Variants in TNR observed in about 807,000 individuals in gnomAD.
The protein encoded by TNR is tenascin-R.
A neutral mutation model predicts 150.4 loss-of-function variants in TNR; 45 were observed. The observed-to-expected ratio is 0.30, with a 90% CI of 0.24 to 0.38. The LOEUF is 0.38. TNR is among the 10% of genes least tolerant of loss of function. TNR has a pLI of 1.00. For missense variants in TNR, 1,544 were observed against 1,759.1 expected (o/e 0.88, Z 2.19); for synonymous variants, 687 against 678.4 (o/e 1.01, Z -0.20).
intron 6 of TNR, among the ~76,000 whole-genome samples, chr1:175,392,516 A>T (rs1653224383): frequency 6.6e-6 from 1 of 152,150 alleles, no homozygotes; most frequent in Non-Finnish European, 1.5e-5. Context: ...ACCTGGCGTA[A>T]TTTTTCTTCC....
intron 18 of TNR, 111 bp downstream of exon 18, chr1:175,354,280 A>C (rs1341889505): frequency 7.1e-7 from 1 of 1,407,194 alleles, no homozygotes; most frequent in Non-Finnish European, 9.5e-7. Flanking sequence ...AGGAGGAGGC[A>C]ACTGAGCTTT....
Position 175,352,891 on chromosome 1 carries a change from T to C in TNR, c.3382+1500A>G, listed in dbSNP as rs555836445. Among the ~76,000 whole-genome samples the C allele has an allele frequency of 3.0e-4, 45 of 152,166 alleles. No homozygotes were observed. In the South Asian group the frequency reaches 3.3e-3, roughly 11 times the overall value. On this transcript the variant is annotated intron_variant, in intron 18 of 22. Coordinates refer to ENST00000367674, the MANE Select transcript of TNR (RefSeq NM_003285.3). ...GTCTTGCTTTGTCATTTAGAACGAG[T>C]GCAGTGGGGGAGACACCTGGTGGGG...
At chr1:175,462,258 A>G (rs1220576960) in intron 2 of TNR, among the ~76,000 whole-genome samples, 1 of 152,222 alleles carries the variant, frequency 6.6e-6, no homozygotes, top group African/African-American at 2.4e-5. Flanking sequence ...GTGGAAGATG[A>G]CAAACAAGGA....
chr1:175,456,426 G>A (rs1318629124), intron 2 of TNR, among the ~76,000 whole-genome samples: 1 of 152,140 alleles, frequency 6.6e-6, no homozygotes, highest in African/African-American at 2.4e-5. Flanking sequence ...TCACTACAAT[G>A]CAAGTTCCAC....
intron 1 of TNR, among the ~76,000 whole-genome samples, chr1:175,686,281 C>T (rs971744513): frequency 3.9e-5 from 6 of 152,140 alleles, no homozygotes; most frequent in African/African-American, 1.4e-4. Flanking sequence ...CATGGTGTAC[C>T]ACCTATCACT....
chr1:175,369,670 C>A (rs1374453262), intron 9 of TNR, among the ~76,000 whole-genome samples: 1 of 152,124 alleles, frequency 6.6e-6, no homozygotes, highest in East Asian at 1.9e-4. Flanking sequence ...AGAGATGCCC[C>A]CCCGGATTCT....
intron 19 of TNR, 41 bp downstream of exon 19, chr1:175,337,487 T>G (rs1375429289): frequency 6.2e-7 from 1 of 1,611,018 alleles, no homozygotes; most frequent in Non-Finnish European, 8.5e-7. Context: ...ACTAGAACAC[T>G]GAGGACGCTT....
chr1:175,435,374 T>C (rs982659763), intron 2 of TNR, among the ~76,000 whole-genome samples: 1 of 152,226 alleles, frequency 6.6e-6, no homozygotes, highest in Admixed American at 6.5e-5. Flanking sequence ...CCAGATATTT[T>C]GGTCTGTGGA....
At chr1:175,647,748 G>T (rs922511827) in intron 1 of TNR, among the ~76,000 whole-genome samples, 10 of 152,132 alleles carry the variant, frequency 6.6e-5, no homozygotes, top group African/African-American at 2.2e-4. Flanking sequence ...TCCTCACCTG[G>T]AAGCTGTGTG....
Position 175,392,818 on chromosome 1 carries a change from G to A in TNR, c.1356+962C>T, listed in dbSNP as rs111550520. Among the ~76,000 whole-genome samples, 643 of 152,244 alleles carry A rather than the reference G, an allele frequency of 4.2e-3. 6 individuals carry two copies. The highest frequency in any genetic ancestry group is 0.015 in the African/African-American group (626 of 41,546). On this transcript the variant is annotated intron_variant, in intron 6 of 22. Transcript: ENST00000367674. ...TGATGTCCTTCAAGTTTTCTGAATC[G>A]TAGTGTCTATAAATTAAACTAAACT...
At chr1:175,557,448 A>G (rs559832614) in intron 1 of TNR, among the ~76,000 whole-genome samples, 3 of 152,330 alleles carry the variant, frequency 2.0e-5, no homozygotes, top group African/African-American at 7.2e-5. Context: ...TGTGAGGAGG[A>G]TAACAGAAAA....
At chr1:175,732,217 C>A (rs894901318) in intron 1 of TNR, among the ~76,000 whole-genome samples, 3 of 152,198 alleles carry the variant, frequency 2.0e-5, no homozygotes, top group Admixed American at 2.0e-4. Flanking sequence ...GCTGGACCAT[C>A]ATTTCAGAAT....
intron 1 of TNR, among the ~76,000 whole-genome samples, chr1:175,622,118 T>C (rs1224111646): frequency 1.3e-5 from 2 of 152,278 alleles, no homozygotes; most frequent in Non-Finnish European, 2.9e-5. Context: ...GTATTATTGT[T>C]ATACATTTCT....
chr1:175,344,091 T>C (rs928419900), intron 18 of TNR, among the ~76,000 whole-genome samples: 4 of 152,222 alleles, frequency 2.6e-5, no homozygotes, highest in African/African-American at 4.8e-5. Context: ...AGGGCCTGCT[T>C]ACAAAGTTTC....
chr1:175,457,312 C>T (rs1287180745), intron 2 of TNR, among the ~76,000 whole-genome samples: 1 of 152,218 alleles, frequency 6.6e-6, no homozygotes, highest in Admixed American at 6.5e-5. Context: ...TTGGGAGGGG[C>T]TCCATTCCAA....
intron 2 of TNR, among the ~76,000 whole-genome samples, chr1:175,443,560 A>G (rs1235081072): frequency 1.3e-5 from 2 of 152,158 alleles, no homozygotes; most frequent in Non-Finnish European, 2.9e-5. Flanking sequence ...TGGGGTGAGA[A>G]GTTTTTAAAT....
chr1:175,721,459 G>A (rs554057662), intron 1 of TNR, among the ~76,000 whole-genome samples: 2 of 152,222 alleles, frequency 1.3e-5, no homozygotes, highest in East Asian at 3.9e-4. Flanking sequence ...TACTGGCTGT[G>A]TTCACCCCAC....
In TNR at chr1:175,359,609, C is replaced by T; in HGVS notation, c.2974+3G>A. Reference sequence around the variant, plus strand: ...CCTGATCTGCAGGCCTGCAGACACCCACCTGCAAAGTGTGTAAGAACAATG... The same window carrying T: ...CCTGATCTGCAGGCCTGCAGACACCTACCTGCAAAGTGTGTAAGAACAATG... On this transcript the variant is annotated splice_donor_region_variant and intron_variant, in intron 15 of 22. Transcript: ENST00000367674. 1 of 1,613,362 alleles carries T rather than the reference C, an allele frequency of 6.2e-7. No individual in the cohort carries two copies. Among genetic ancestry groups the T allele is most frequent in the Non-Finnish European group, 8.5e-7 (1 of 1,179,762 alleles).
chr1:175,641,070 A>C (rs867493941), intron 1 of TNR, among the ~76,000 whole-genome samples: 31 of 152,200 alleles, frequency 2.0e-4, no homozygotes, highest in African/African-American at 7.2e-4. Context: ...CCTCGATAAT[A>C]AAAGAACTCA....
Sources: gnomAD v4.1 joint callset for allele counts (sites outside exome capture counted in the v4.1 genomes callset) on GRCh38, gnomAD v4.1.1 for gene constraint, MANE v1.5 for transcripts, NCBI Gene and HGNC (gene_info 2026-07-23, HGNC 2026-07-21) for gene names.